The following GMDS variants were observed in gnomAD, a reference collection of about 807,000 sequenced individuals.
The protein encoded by GMDS is GDP-mannose 4,6 dehydratase.
In GMDS, 20 loss-of-function variants were observed where a neutral mutation model predicts 49.9. The observed-to-expected ratio is 0.40, with a 90% CI of 0.28 to 0.58. The LOEUF (loss-of-function observed/expected upper bound fraction) is 0.58. GMDS is among the 20% of genes least tolerant of loss of function. GMDS has a pLI of 0.42. For synonymous variants in GMDS, 177 were observed against 178.6 expected (o/e 0.99, Z 0.07); for missense variants, 362 against 481.4 (o/e 0.75, Z 2.32).
At chr6:1,804,165 G>A (rs1416338374) in intron 7 of GMDS, among the ~76,000 whole-genome samples, 1 of 152,086 alleles carries the variant, frequency 6.6e-6, no homozygotes, top group Non-Finnish European at 1.5e-5. Context: ...TTTCCTTTTT[G>A]TCTTCATTCT....
rs114517819 is a variant in GMDS at position 2,007,946 on chromosome 6, G to A, written c.346-46980C>T. 5.6e-3 allele frequency among the ~76,000 whole-genome samples: 847 copies of A among 151,994 alleles called. 6 individuals carry two copies. Among genetic ancestry groups the A allele is most frequent in the African/African-American group, 0.019 (792 of 41,426 alleles). ...TATTTGGTTCCACAAGTTTTTTCAG[G>A]GTCAACTGTAAACTAAATATCAAAA... On this transcript the variant is annotated intron_variant, in intron 4 of 10. Coordinates refer to ENST00000380815, the MANE Select transcript of GMDS (RefSeq NM_001500.4).
At chr6:2,224,133 A>T (rs532470236) in intron 1 of GMDS, among the ~76,000 whole-genome samples, 41 of 152,326 alleles carry the variant, frequency 2.7e-4, no homozygotes, top group African/African-American at 9.6e-4. Flanking sequence ...ACAACAGTTT[A>T]GGGTAGGATG....
chr6:1,664,903 G>A (rs901792570), intron 9 of GMDS, among the ~76,000 whole-genome samples: 7 of 152,116 alleles, frequency 4.6e-5, no homozygotes, highest in Admixed American at 1.3e-4. Context: ...ACATATTCAC[G>A]TCACTATTGT....
At chr6:2,051,890 G>A (rs1175669823) in intron 4 of GMDS, among the ~76,000 whole-genome samples, 2 of 152,020 alleles carry the variant, frequency 1.3e-5, no homozygotes, top group East Asian at 1.9e-4. Context: ...AGGCCTAGGC[G>A]GGCAGATCAC....
chr6:2,235,555 C>T (rs1045551360), intron 1 of GMDS, among the ~76,000 whole-genome samples: 2 of 151,908 alleles, frequency 1.3e-5, no homozygotes, highest in East Asian at 3.9e-4. Context: ...CCTGCAATAC[C>T]AGCACTTGGA....
At chr6:2,139,509 T>G (rs1776178891) in intron 1 of GMDS, among the ~76,000 whole-genome samples, 1 of 152,238 alleles carries the variant, frequency 6.6e-6, no homozygotes, top group Admixed American at 6.5e-5. Context: ...ATGTGGCTTA[T>G]AGCTATTGTT....
rs889865236 is a variant in GMDS, at chr6:1,666,245, T to C, written c.988-41705A>G. 2.0e-5 allele frequency among the ~76,000 whole-genome samples: 3 copies of C among 152,168 alleles called. 1 individual carries two copies. In the South Asian group the frequency reaches 6.2e-4, roughly 32 times the overall value. On this transcript the variant is annotated intron_variant, in intron 9 of 10. Coordinates refer to ENST00000380815, the MANE Select transcript of GMDS (RefSeq NM_001500.4). ...GACGGGAGTCCTGCTCTGCCCAGCA[T>C]CCTCTCCCCTGCACCACAGTACCTG...
chr6:2,166,546 C>G (rs749753357), intron 1 of GMDS, among the ~76,000 whole-genome samples: 7 of 152,150 alleles, frequency 4.6e-5, no homozygotes, highest in African/African-American at 7.2e-5. Context: ...ACTCTGAACC[C>G]TAGAACCTTA....
At chr6:2,192,902 G>A (rs1779109094) in intron 1 of GMDS, among the ~76,000 whole-genome samples, 5 of 152,222 alleles carry the variant, frequency 3.3e-5, no homozygotes, top group Admixed American at 1.3e-4. Context: ...GTTGGACAAA[G>A]ACACCACTGG....
intron 1 of GMDS, among the ~76,000 whole-genome samples, chr6:2,216,508 C>T (rs112043057): frequency 0.017 from 2,616 of 152,270 alleles, 86 homozygotes; most frequent in African/African-American, 0.059. Flanking sequence ...TGTGTGAGCA[C>T]GTGTGCACAT....
chr6:2,173,477 A>C, intron 1 of GMDS, among the ~76,000 whole-genome samples: 1 of 152,242 alleles, frequency 6.6e-6, no homozygotes, highest in East Asian at 1.9e-4. Context: ...AGCAAGGCAG[A>C]GAAAGTCACG....
At chr6:1,664,953 A>AT (rs1489942337) in intron 9 of GMDS, among the ~76,000 whole-genome samples, 1 of 152,234 alleles carries the variant, frequency 6.6e-6, no homozygotes, top group Non-Finnish European at 1.5e-5. Context: ...TGCTATGTGA[A>AT]TACAGATAGA....
At chr6:2,245,220 G>A in intron 1 of GMDS, 101 bp downstream of exon 1, 2 of 807,988 alleles carry the variant, frequency 2.5e-6, no homozygotes, top group South Asian at 1.5e-5. Flanking sequence ...GACGCCGAGA[G>A]GGCTGTTCCT....
chr6:1,925,412 T>G (rs80133405), intron 7 of GMDS, among the ~76,000 whole-genome samples: 1,615 of 152,252 alleles, frequency 0.011, 26 homozygotes, highest in African/African-American at 0.036. Context: ...TTGTGAAAAT[T>G]TTTACAAGTC....
chr6:1,648,850 A>G (rs1167936124), intron 9 of GMDS, among the ~76,000 whole-genome samples: 2 of 152,220 alleles, frequency 1.3e-5, no homozygotes, highest in African/African-American at 4.8e-5. Context: ...TAGCTGTCCC[A>G]GAGATCTTGC....
At chr6:1,926,739 C>T (rs9503048) in intron 7 of GMDS, among the ~76,000 whole-genome samples, 62,197 of 151,986 alleles carry the variant, frequency 0.41, 13,312 homozygotes, top group Middle Eastern at 0.48. Context: ...TTTCTTAAAA[C>T]GGAGGGTACC....
At chr6:1,759,823 C>T (rs1391305268) in intron 7 of GMDS, among the ~76,000 whole-genome samples, 1 of 152,232 alleles carries the variant, frequency 6.6e-6, no homozygotes, top group Non-Finnish European at 1.5e-5. Flanking sequence ...TCCCCACACA[C>T]TGCTCTTGAT....
intron 6 of GMDS, among the ~76,000 whole-genome samples, chr6:1,944,755 C>G (rs1181357424): frequency 6.6e-6 from 1 of 151,122 alleles, no homozygotes; most frequent in Non-Finnish European, 1.5e-5. Context: ...AGCATAAAGA[C>G]TGCAAAGTAA....
chr6:1,909,675 G>A (rs767036309), intron 7 of GMDS, among the ~76,000 whole-genome samples: 1 of 152,182 alleles, frequency 6.6e-6, no homozygotes, highest in Non-Finnish European at 1.5e-5. Context: ...CTCCCTCTGG[G>A]GAGAAGACTG....
Sources: gnomAD v4.1 joint callset for allele counts (sites outside exome capture counted in the v4.1 genomes callset) on GRCh38, gnomAD v4.1.1 for gene constraint, MANE v1.5 for transcripts, NCBI Gene and HGNC (gene_info 2026-07-23, HGNC 2026-07-21) for gene names.